Variants in PTPRK observed in about 807,000 individuals in gnomAD.
The protein encoded by PTPRK is receptor-type tyrosine-protein phosphatase kappa.
PTPRK carries 75 observed loss-of-function variants against 178.0 expected under a neutral mutation model. The observed-to-expected ratio is 0.42, with a 90% confidence interval of 0.35 to 0.51. The LOEUF is 0.51. Ranked by LOEUF, PTPRK falls within the 20% of genes least tolerant of loss-of-function variation. The pLI is 0.02. For synonymous variants in PTPRK, 637 were observed against 620.6 expected (o/e 1.03, Z -0.39); for missense variants, 1,441 against 1,797.8 (o/e 0.80, Z 3.59).
intron 7 of PTPRK, among the ~76,000 whole-genome samples, chr6:128,182,604 C>T (rs970388900): frequency 1.3e-5 from 2 of 152,062 alleles, no homozygotes; most frequent in African/African-American, 2.4e-5. Flanking sequence ...TATCCTCATT[C>T]CCTCTCACAT....
At chr6:128,120,119 TATC>T (rs1792212583) in intron 7 of PTPRK, among the ~76,000 whole-genome samples, 1 of 151,986 alleles carries the variant, frequency 6.6e-6, no homozygotes, top group African/African-American at 2.4e-5. Flanking sequence ...AATATTTTGT[TATC>T]ATTATATAAT....
At chr6:128,368,428 G>A (rs920793849) in intron 2 of PTPRK, among the ~76,000 whole-genome samples, 19 of 151,132 alleles carry the variant, frequency 1.3e-4, no homozygotes, top group South Asian at 2.1e-4. Flanking sequence ...AATCTGTGAC[G>A]AGGCCAATGA....
At chr6:128,256,066 T>C (rs1008755788) in intron 3 of PTPRK, among the ~76,000 whole-genome samples, 3 of 152,224 alleles carry the variant, frequency 2.0e-5, no homozygotes. Context: ...GTGTCTAATA[T>C]TTGCTGGACT....
At chr6:128,261,556 C>T (rs1818181632) in intron 3 of PTPRK, among the ~76,000 whole-genome samples, 1 of 152,074 alleles carries the variant, frequency 6.6e-6, no homozygotes, top group Middle Eastern at 3.2e-3. Context: ...GTACTGTGTG[C>T]AGAGCTTCAG....
At chr6:128,290,503 T>A (rs937073241) in intron 3 of PTPRK, among the ~76,000 whole-genome samples, 5 of 152,096 alleles carry the variant, frequency 3.3e-5, no homozygotes, top group African/African-American at 1.2e-4. Flanking sequence ...GTGTCAGAAA[T>A]CCTTGGTATG....
intron 7 of PTPRK, among the ~76,000 whole-genome samples, chr6:128,162,523 A>C (rs1798847052): frequency 6.6e-6 from 1 of 151,724 alleles, no homozygotes; most frequent in Admixed American, 6.6e-5. Context: ...TGAAAGCAAT[A>C]AATCCAAATA....
chr6:128,208,850 T>C (rs1236129927), intron 6 of PTPRK, among the ~76,000 whole-genome samples: 1 of 152,178 alleles, frequency 6.6e-6, no homozygotes, highest in African/African-American at 2.4e-5. Flanking sequence ...AAACTGGATA[T>C]GTTCCTAGCA....
At chr6:128,457,284 T>C (rs1011173866) in intron 1 of PTPRK, among the ~76,000 whole-genome samples, 9 of 152,168 alleles carry the variant, frequency 5.9e-5, no homozygotes, top group African/African-American at 2.2e-4. Context: ...ACAGGAAGGT[T>C]TACCATATTC....
chr6:128,241,948 ATTT>A lies in PTPRK; in HGVS notation c.577+570_577+572del, dbSNP rs1202951832. Among the ~76,000 whole-genome samples the A allele has an allele frequency of 4.3e-4, 54 of 126,220 alleles. No individual in the cohort carries two copies. In the East Asian group the frequency reaches 9.1e-3, roughly 21 times the overall value. 82.8% of individuals were successfully genotyped at this position (126,220 alleles called of 152,430 possible). A position where few individuals can be genotyped will look rare whatever the true frequency, so the allele number is the denominator to read the frequency against. On this transcript the variant is annotated intron_variant, in intron 4 of 29. Transcript: ENST00000368226. Reference sequence around the variant, plus strand: ...AGGTGTGCACCACCACGCCTGGCTAATTTTTTTTTTTTTTTTTTTGTAAGTAGA... The same window carrying A: ...AGGTGTGCACCACCACGCCTGGCTAATTTTTTTTTTTTTTTTGTAAGTAGA...
intron 1 of PTPRK, among the ~76,000 whole-genome samples, chr6:128,420,563 T>C (rs1431080442): frequency 6.6e-6 from 1 of 152,116 alleles, no homozygotes; most frequent in African/African-American, 2.4e-5. Context: ...AGCCCGGGCA[T>C]AGAAACAAAT....
intron 2 of PTPRK, among the ~76,000 whole-genome samples, chr6:128,364,805 G>C (rs543630676): frequency 1.3e-5 from 2 of 151,992 alleles, no homozygotes; most frequent in East Asian, 3.9e-4. Context: ...CTGCACACTG[G>C]TTTTCCTATT....
chr6:128,265,846 C>T (rs879696614), intron 3 of PTPRK, among the ~76,000 whole-genome samples: 4 of 151,986 alleles, frequency 2.6e-5, no homozygotes, highest in Admixed American at 1.3e-4. Context: ...ATTTGAATCC[C>T]CAAAGCGATG....
At chr6:128,445,838 T>G (rs1007182074) in intron 1 of PTPRK, among the ~76,000 whole-genome samples, 1 of 152,208 alleles carries the variant, frequency 6.6e-6, no homozygotes, top group Non-Finnish European at 1.5e-5. Flanking sequence ...AAACTGCTCC[T>G]GATGCTGAAT....
At chr6:128,101,863 T>C (rs190741187) in intron 7 of PTPRK, among the ~76,000 whole-genome samples, 126 of 152,316 alleles carry the variant, frequency 8.3e-4, no homozygotes, top group African/African-American at 2.8e-3. Flanking sequence ...TCCCCACTAT[T>C]GATCTCCCTA....
intron 9 of PTPRK, 123 bp from the exon 10 acceptor site, chr6:128,082,761 CTTTT>C: frequency 1.6e-6 from 1 of 634,550 alleles, no homozygotes; most frequent in East Asian, 2.9e-5. Flanking sequence ...TTTTTTTCTT[CTTTT>C]CTTTCTCATG....
intron 1 of PTPRK, among the ~76,000 whole-genome samples, chr6:128,473,483 C>T (rs898112663): frequency 7.1e-5 from 10 of 139,952 alleles, no homozygotes; most frequent in African/African-American, 2.6e-5. Context: ...ATGCAAATAT[C>T]CTGCTCTCTG....
chr6:128,236,365 T>G (rs1409851037), intron 5 of PTPRK, among the ~76,000 whole-genome samples: 1 of 148,316 alleles, frequency 6.7e-6, no homozygotes, highest in African/African-American at 2.5e-5. Context: ...TTTTTTTTTT[T>G]TGAGACACAT....
chr6:128,028,716 T>C (rs999933068), intron 13 of PTPRK, among the ~76,000 whole-genome samples: 2 of 152,356 alleles, frequency 1.3e-5, no homozygotes, highest in Admixed American at 6.5e-5. Flanking sequence ...TATGTATTTT[T>C]AGTATTTTCT....
chr6:128,078,969 T>C (rs781241685), intron 10 of PTPRK, 51 bp from the exon 11 acceptor site: 7 of 1,207,646 alleles, frequency 5.8e-6, no homozygotes, highest in South Asian at 1.2e-5. Flanking sequence ...TACAGTAATA[T>C]ATCACAGGTC....
Sources: gnomAD v4.1 joint callset for allele counts (sites outside exome capture counted in the v4.1 genomes callset) on GRCh38, gnomAD v4.1.1 for gene constraint, MANE v1.5 for transcripts, NCBI Gene and HGNC (gene_info 2026-07-23, HGNC 2026-07-21) for gene names.